Variants in SLC10A6 observed in about 807,000 individuals in gnomAD.
SLC10A6 encodes the protein solute carrier family 10 member 6.
SLC10A6 carries 27 observed loss-of-function variants against 30.0 expected under a neutral mutation model. The ratio of observed to expected loss-of-function variants is 0.90; its 90% CI spans 0.66 to 1.24. The LOEUF (loss-of-function observed/expected upper bound fraction) is 1.24, where lower values mean the gene tolerates loss of function less well. Ranked by LOEUF, SLC10A6 falls within the 50% of genes most tolerant of loss-of-function variation. The pLI is 0.00. For synonymous variants in SLC10A6, 166 were observed against 173.8 expected (o/e 0.95, Z 0.36); for missense variants, 439 against 457.0 (o/e 0.96, Z 0.36).
At chr4:86,826,229 C>A (rs1420622) in intron 4 of SLC10A6, among the ~76,000 whole-genome samples, 5 of 151,964 alleles carry the variant, frequency 3.3e-5, no homozygotes, top group African/African-American at 1.2e-4. Context: ...AAAAGAAAAA[C>A]GTATATATAT....
intron 3 of SLC10A6, among the ~76,000 whole-genome samples, chr4:86,831,024 G>C (rs1746071100): frequency 6.6e-6 from 1 of 152,138 alleles, no homozygotes; most frequent in Non-Finnish European, 1.5e-5. Context: ...CCAGGCTCCA[G>C]TGCAATGGCA....
At chr4:86,844,571 C>T (rs988669829) in intron 1 of SLC10A6, among the ~76,000 whole-genome samples, 1 of 152,192 alleles carries the variant, frequency 6.6e-6, no homozygotes, top group African/African-American at 2.4e-5. Flanking sequence ...AAAGCCAACA[C>T]TTCAAAAGAC....
At chr4:86,841,769 C>A (rs1239110695) in intron 1 of SLC10A6, among the ~76,000 whole-genome samples, 1 of 152,100 alleles carries the variant, frequency 6.6e-6, no homozygotes, top group African/African-American at 2.4e-5. Flanking sequence ...AACTCTGACC[C>A]TCAAAACTAT....
intron 1 of SLC10A6, among the ~76,000 whole-genome samples, chr4:86,840,052 G>A (rs968227619): frequency 6.6e-6 from 1 of 151,518 alleles, no homozygotes; most frequent in African/African-American, 2.4e-5. Flanking sequence ...TGGGATTACA[G>A]GTACCCGCCA....
intron 1 of SLC10A6, among the ~76,000 whole-genome samples, chr4:86,847,460 T>C (rs563894545): frequency 3.3e-5 from 5 of 152,340 alleles, no homozygotes; most frequent in Admixed American, 1.3e-4. Context: ...ATTAATGGCT[T>C]TTACCATTAA....
intron 1 of SLC10A6, among the ~76,000 whole-genome samples, chr4:86,846,459 C>T (rs556444799): frequency 6.6e-6 from 1 of 152,270 alleles, no homozygotes; most frequent in Admixed American, 6.5e-5. Flanking sequence ...GTGGCTCACG[C>T]CTGTAATCCC....
Position 86,849,268 on chromosome 4 carries a change from A to G in SLC10A6, c.-153T>C. 3 of 860,704 alleles carry G rather than the reference A, an allele frequency of 3.5e-6. No homozygotes were observed. The highest frequency in any genetic ancestry group is 5.3e-6 in the Non-Finnish European group (3 of 566,110). 53.3% of individuals were successfully genotyped at this position (860,704 alleles called of 1,614,324 possible). A position where few individuals can be genotyped will look rare whatever the true frequency, so the allele number is the denominator to read the frequency against. ...CAGCAAGGTGATTCATCCTAATCTG[A>G]TCAATTTTTTCACAAGTGGCATTAT... On this transcript the variant is annotated 5_prime_UTR_variant, in exon 1 of 6. Coordinates refer to ENST00000273905, the MANE Select transcript of SLC10A6 (RefSeq NM_197965.3).
intron 1 of SLC10A6, among the ~76,000 whole-genome samples, chr4:86,846,324 GAAAGA>G (rs1334101514): frequency 1.3e-5 from 2 of 151,968 alleles, no homozygotes; most frequent in Non-Finnish European, 2.9e-5. Flanking sequence ...TCAAAATTTA[GAAAGA>G]AAAGAGGAAA....
intron 1 of SLC10A6, among the ~76,000 whole-genome samples, chr4:86,833,676 G>A (rs188993685): frequency 6.6e-6 from 1 of 152,170 alleles, no homozygotes; most frequent in African/African-American, 2.4e-5. Flanking sequence ...AATTCTGCTA[G>A]GCACTATAGA....
rs1746433780 is a variant in SLC10A6 at position 86,848,784 on chromosome 4, A to G, written c.332T>C (p.Ile111Thr). The G allele has an allele frequency of 1.9e-6, 3 of 1,610,510 alleles. No homozygotes were observed. The highest frequency in any genetic ancestry group is 2.5e-6 in the Non-Finnish European group (3 of 1,178,554). Residue 111 changes from isoleucine (I) to threonine (T), a missense_variant, in exon 1 of 6, where the codon ATC becomes ACC. By Grantham distance (89) the Ile-to-Thr change is moderately conservative. Transcript: ENST00000273905. ...LIMGCCPGGT[I>T]SNIFTFWVDG... ...AACCCAGAAGGTGAAAATGTTAGAGATGGTGCCCCCCGGGCAGCAGCCCAT... is the reference window on the plus strand; with the variant it reads ...AACCCAGAAGGTGAAAATGTTAGAGGTGGTGCCCCCCGGGCAGCAGCCCAT...
chr4:86,837,109 C>T (rs552579985), intron 1 of SLC10A6, among the ~76,000 whole-genome samples: 1 of 151,424 alleles, frequency 6.6e-6, no homozygotes, highest in African/African-American at 2.4e-5. Context: ...GGGAAAAGCA[C>T]TTAGTTACAT....
At chr4:86,831,696 T>G (rs1746083721) in intron 3 of SLC10A6, 96 bp downstream of exon 3, 2 of 978,034 alleles carry the variant, frequency 2.0e-6, no homozygotes, top group African/African-American at 3.2e-5. Flanking sequence ...TGTGGGGCCG[T>G]ACTCAACAAG....
Position 86,849,245 on chromosome 4 carries a change from G to T in SLC10A6, c.-130C>A. 1 of 1,125,862 alleles carries T rather than the reference G, an allele frequency of 8.9e-7. No homozygotes were observed. Among genetic ancestry groups the T allele is most frequent in the Non-Finnish European group, 1.3e-6 (1 of 792,622 alleles). 69.7% of individuals were successfully genotyped at this position (1,125,862 alleles called of 1,614,324 possible). A position where few individuals can be genotyped will look rare whatever the true frequency, so the allele number is the denominator to read the frequency against. On this transcript the variant is annotated 5_prime_UTR_variant, in exon 1 of 6. The change creates a new upstream start codon in the 5' untranslated region. Transcript: ENST00000273905. ...GAATCATTCCAATAACTGTTGGCCA[G>T]CAAGGTGATTCATCCTAATCTGATC...
chr4:86,847,243 C>G (rs571420320), intron 1 of SLC10A6, among the ~76,000 whole-genome samples: 4 of 152,268 alleles, frequency 2.6e-5, no homozygotes, highest in Non-Finnish European at 5.9e-5. Context: ...AGGCCATTTA[C>G]AAGGTTATTA....
At chr4:86,839,856 T>C (rs1746260899) in intron 1 of SLC10A6, among the ~76,000 whole-genome samples, 1 of 152,064 alleles carries the variant, frequency 6.6e-6, no homozygotes, top group Non-Finnish European at 1.5e-5. Context: ...TCCCTTCTAA[T>C]TGTCATGCCA....
In SLC10A6 at chr4:86,827,995, T is replaced by C. The variant is rs773625232; in HGVS notation, c.759A>G (p.Gln253=). The C allele has an allele frequency of 1.9e-6, 3 of 1,613,494 alleles. No individual in the cohort carries two copies. The highest frequency in any genetic ancestry group is 2.5e-6 in the Non-Finnish European group (3 of 1,179,836). ...GTTTATGGATAGTTTAACTATACCT[T>C]TGCCAAGACTGGTGGGTAAAAAGTG... ...LLALFTHQSW[Q]RCRTISLETG... The change falls in exon 4 of 6, where the codon CAA becomes CAG. Residue 253 remains glutamine (Q), a splice_region_variant and synonymous_variant. Transcript: ENST00000273905.
At chr4:86,825,339 G>C in intron 5 of SLC10A6, 81 bp downstream of exon 5, 3 of 1,392,212 alleles carry the variant, frequency 2.2e-6, no homozygotes, top group Non-Finnish European at 3.0e-6. Flanking sequence ...GCACATGCAA[G>C]TTTGGATTGA....
At chr4:86,842,874 C>CTTTCTTTCTTTCTTTCTTTCTTTCTTT (rs1560461934) in intron 1 of SLC10A6, among the ~76,000 whole-genome samples, 3 of 42,782 alleles carry the variant, frequency 7.0e-5, no homozygotes, top group Non-Finnish European at 1.2e-4. Flanking sequence ...TTCTTTCTTT[C>CTTTCTTTCTTTCTTTCTTTCTTTCTTT]TTTTTTTTTT....
At position 86,825,490 on chromosome 4, in the gene SLC10A6, C is replaced by T; in HGVS notation, c.849G>A (p.Leu283=). 1 of 1,613,092 alleles carries T rather than the reference C, an allele frequency of 6.2e-7. No homozygotes were observed. The highest frequency in any genetic ancestry group is 2.2e-5 in the East Asian group (1 of 44,854). Residue 283 remains leucine, a synonymous_variant, in exon 5 of 6, where the codon TTG becomes TTA. Coordinates refer to ENST00000273905, the MANE Select transcript of SLC10A6 (RefSeq NM_197965.3). ...MLQLSFTAEH[L]VQMLSFPLAY... is the part of the protein sequence containing the mutation. ...CCAGTGGGAAACTCAACATCTGGACCAAGTGCTCAGCAGTGAAAGATAACT... is the reference window on the plus strand; with the variant it reads ...CCAGTGGGAAACTCAACATCTGGACTAAGTGCTCAGCAGTGAAAGATAACT...
Sources: gnomAD v4.1 joint callset for allele counts (sites outside exome capture counted in the v4.1 genomes callset) on GRCh38, gnomAD v4.1.1 for gene constraint, MANE v1.5 for transcripts, NCBI Gene and HGNC (gene_info 2026-07-23, HGNC 2026-07-21) for gene names.